Variants in SLC35A1 observed in about 807,000 individuals in gnomAD.
SLC35A1 encodes solute carrier family 35 member A1.
In SLC35A1, 21 loss-of-function variants were observed where a neutral mutation model predicts 40.3. The observed-to-expected ratio is 0.52, with a 90% CI of 0.37 to 0.75. The LOEUF is 0.75. Among genes scored for constraint, SLC35A1 ranks in the 30% least tolerant of loss-of-function variants. The pLI is 0.00. For missense variants in SLC35A1, 297 were observed against 382.1 expected (o/e 0.78, Z 1.86); for synonymous variants, 146 against 147.3 (o/e 0.99, Z 0.06).
intron 2 of SLC35A1, among the ~76,000 whole-genome samples, chr6:87,485,846 A>C (rs575387615): frequency 2.0e-5 from 3 of 152,170 alleles, no homozygotes; most frequent in Non-Finnish European, 4.4e-5. Flanking sequence ...AATACTGCAG[A>C]GTTAGTGTAA....
rs762942547 is a variant in SLC35A1, at chr6:87,509,010, T to C, written c.752-31T>C. 3.7e-5 allele frequency: 60 copies of C among 1,612,050 alleles called. 1 individual carries two copies. In the South Asian group the frequency reaches 6.4e-4, roughly 17 times the overall value. On this transcript the variant is annotated intron_variant, in intron 6 of 7. Coordinates refer to ENST00000369552, the MANE Select transcript of SLC35A1 (RefSeq NM_006416.5). Reference sequence around the variant, plus strand: ...TTATGTAATGTTTCATTTATTTGAGTGATAAGATTTTATTTCTCTCTGTAT... The same window carrying C: ...TTATGTAATGTTTCATTTATTTGAGCGATAAGATTTTATTTCTCTCTGTAT...
intron 4 of SLC35A1, among the ~76,000 whole-genome samples, chr6:87,503,145 T>A (rs1769970464): frequency 6.6e-6 from 1 of 152,224 alleles, no homozygotes; most frequent in African/African-American, 2.4e-5. Context: ...ACCTTTAGAA[T>A]TCTCTCTAGC....
chr6:87,495,381 T>G (rs911213190), intron 2 of SLC35A1, among the ~76,000 whole-genome samples: 2 of 152,250 alleles, frequency 1.3e-5, no homozygotes, highest in Admixed American at 1.3e-4. Context: ...ATATCTTAAC[T>G]TTGAACTACA....
chr6:87,511,633 G>A lies in SLC35A1; in HGVS notation c.*107G>A. 8.2e-7 allele frequency: 1 copy of A among 1,224,778 alleles called. No homozygotes were observed. The highest frequency in any genetic ancestry group is 2.3e-5 in the East Asian group (1 of 42,880). The allele number at this position is 1,224,778 out of a possible 1,614,324, so 75.9% of individuals were successfully genotyped here. ...TAAACAAATAAAAATTAACTGTATG[G>A]CATGATCAGTGCGGTTATGTGGAAA... On this transcript the variant is annotated 3_prime_UTR_variant, in exon 8 of 8. Transcript: ENST00000369552.
In SLC35A1 at chr6:87,477,478, AC is replaced by A. The variant is rs1562017022; in HGVS notation, c.135del (p.Thr46GlnfsTer9). 6.2e-7 allele frequency: 1 copy of A among 1,614,110 alleles called. No individual in the cohort carries two copies. Among genetic ancestry groups the A allele is most frequent in the South Asian group, 1.1e-5 (1 of 91,080 alleles). On this transcript the variant is annotated frameshift_variant, in exon 2 of 8. Coordinates refer to ENST00000369552, the MANE Select transcript of SLC35A1 (RefSeq NM_006416.5). LOFTEE classifies it high-confidence loss of function. ...RTSDKELYFS[T>X]TAVCITEVIK... The stretch of plus-strand genomic sequence containing the variant: ...ATCAGACAAAGAACTCTACTTTTCA[AC>A]CACAGCCGTGTGTATCACAGAAGTT...
intron 2 of SLC35A1, among the ~76,000 whole-genome samples, chr6:87,491,630 G>A (rs1331104678): frequency 6.6e-6 from 1 of 151,890 alleles, no homozygotes; most frequent in Non-Finnish European, 1.5e-5. Flanking sequence ...CTTCATTCAG[G>A]TGGCTCTATA....
chr6:87,476,589 G>C (rs1056391093), intron 1 of SLC35A1, among the ~76,000 whole-genome samples: 1 of 151,952 alleles, frequency 6.6e-6, no homozygotes, highest in African/African-American at 2.4e-5. Context: ...GCTGGGTGTA[G>C]TGGCGGGTGC....
chr6:87,488,399 C>G (rs1467909985), intron 2 of SLC35A1: 4 of 152,176 alleles, frequency 2.6e-5, no homozygotes, highest in Admixed American at 1.3e-4. Context: ...TAGGTGTGCT[C>G]TGTTTAGAGA....
chr6:87,501,883 G>GTTAA lies in SLC35A1; in HGVS notation c.507+574_507+577dup, dbSNP rs1246932209. On this transcript the variant is annotated intron_variant, in intron 4 of 7. Transcript: ENST00000369552. ...AAGGTACATAACAGATTTTTAAAGA[G>GTTAA]TTAACGCTAAGATACATACATGATT... 3.3e-5 allele frequency among the ~76,000 whole-genome samples: 5 copies of GTTAA among 152,286 alleles called. No individual in the cohort carries two copies. In the East Asian group the frequency reaches 7.7e-4, roughly 23 times the overall value.
rs554222953 is a variant in SLC35A1 at position 87,484,530 on chromosome 6, C to T, written c.194+6991C>T. 1.9e-3 allele frequency among the ~76,000 whole-genome samples: 290 copies of T among 152,140 alleles called. 2 individuals carry two copies. The South Asian group carries it at 0.02, about 11-fold the overall frequency. Reference sequence around the variant, plus strand: ...ATTCACCTATTGGCTAGGGTTAGACCGCACAGGCTAAACTAATTCCGATTG... The same window carrying T: ...ATTCACCTATTGGCTAGGGTTAGACTGCACAGGCTAAACTAATTCCGATTG... On this transcript the variant is annotated intron_variant, in intron 2 of 7. Transcript: ENST00000369552.
intron 5 of SLC35A1, 65 bp downstream of exon 5, chr6:87,506,513 C>T: frequency 1.6e-6 from 2 of 1,227,066 alleles, no homozygotes; most frequent in Non-Finnish European, 2.4e-6. Context: ...ACTTTAGACA[C>T]CAGTCTAGTT....
intron 1 of SLC35A1, among the ~76,000 whole-genome samples, chr6:87,473,612 T>C (rs1406872592): frequency 1.2e-5 from 1 of 86,424 alleles, no homozygotes; most frequent in Non-Finnish European, 2.5e-5. Flanking sequence ...TAGAGAATGC[T>C]GTATGCTGCT....
At chr6:87,497,916 A>C in intron 2 of SLC35A1, among the ~76,000 whole-genome samples, 1 of 148,762 alleles carries the variant, frequency 6.7e-6, no homozygotes, top group African/African-American at 2.5e-5. Context: ...TTTTTAAGAG[A>C]AGGGATTTTC....
At chr6:87,475,719 TC>T (rs1392842323) in intron 1 of SLC35A1, among the ~76,000 whole-genome samples, 1 of 152,214 alleles carries the variant, frequency 6.6e-6, no homozygotes, top group Non-Finnish European at 1.5e-5. Flanking sequence ...CTGTTTTATT[TC>T]CCTATGAAAA....
At chr6:87,485,996 T>C (rs754323399) in intron 2 of SLC35A1, among the ~76,000 whole-genome samples, 1 of 152,200 alleles carries the variant, frequency 6.6e-6, no homozygotes, top group African/African-American at 2.4e-5. Flanking sequence ...GCTTCTTCCT[T>C]TTTGCCCATT....
chr6:87,508,704 T>C, intron 6 of SLC35A1, 108 bp downstream of exon 6: 1 of 765,402 alleles, frequency 1.3e-6, no homozygotes, highest in Non-Finnish European at 1.9e-6. Context: ...TTTGATACTG[T>C]AAATACCAGT....
chr6:87,500,632 C>T lies in SLC35A1; in HGVS notation c.319C>T (p.Leu107=). ...VYAVQNNMAF[L]ALSNLDAAVY... ...TGCTGTTCAGAACAACATGGCTTTC[C>T]TAGCTCTTAGCAATCTGGATGCAGC... The change falls in exon 3 of 8, where the codon CTA becomes TTA. Residue 107 remains leucine (L), a synonymous_variant. Transcript: ENST00000369552. 1 of 1,614,016 alleles carries T rather than the reference C, an allele frequency of 6.2e-7. No homozygotes were observed. The highest frequency in any genetic ancestry group is 8.5e-7 in the Non-Finnish European group (1 of 1,179,962).
At chr6:87,492,013 T>G (rs993256660) in intron 2 of SLC35A1, among the ~76,000 whole-genome samples, 1 of 152,240 alleles carries the variant, frequency 6.6e-6, no homozygotes, top group African/African-American at 2.4e-5. Context: ...ATGACATTCT[T>G]CTATTTGTGT....
chr6:87,493,002 G>A (rs1769599618), intron 2 of SLC35A1, among the ~76,000 whole-genome samples: 1 of 152,142 alleles, frequency 6.6e-6, no homozygotes, highest in African/African-American at 2.4e-5. Flanking sequence ...TACTGGTTTT[G>A]TGGTCTGATA....
Sources: gnomAD v4.1 joint callset for allele counts (sites outside exome capture counted in the v4.1 genomes callset) on GRCh38, gnomAD v4.1.1 for gene constraint, MANE v1.5 for transcripts, NCBI Gene and HGNC (gene_info 2026-07-23, HGNC 2026-07-21) for gene names.